Variants in PLA2G4B observed in about 807,000 individuals in gnomAD.
PLA2G4B encodes the protein phospholipase A2 group IVB.
A neutral mutation model predicts 95.8 loss-of-function variants in PLA2G4B; 122 were observed. The ratio of observed to expected loss-of-function variants is 1.27; its 90% CI spans 1.10 to 1.48. PLA2G4B has a LOEUF of 1.48. PLA2G4B is among the 40% of genes most tolerant of loss of function. The probability of loss-of-function intolerance (pLI) is 0.00; values close to 1 mark genes in which losing one functional copy is unlikely to be tolerated. For missense variants in PLA2G4B, 1,158 were observed against 996.2 expected (o/e 1.16, Z -2.19); for synonymous variants, 518 against 421.5 (o/e 1.23, Z -2.80).
Position 41,842,201 on chromosome 15 carries a change from C to G in PLA2G4B, c.630C>G (p.Pro210=), listed in dbSNP as rs35072927. The G allele has an allele frequency of 1.2e-6, 2 of 1,613,978 alleles. No homozygotes were observed. The highest frequency in any genetic ancestry group is 4.5e-5 in the East Asian group (2 of 44,884). ...TTCTTTGTCCCCTGCAGGATGCCCC[C>G]GAGGAGCAACTAAAGGCGCCACTGA... ...QELSIRLQDA[P]EEQLKAPLSA... is the part of the protein sequence containing the mutation. Residue 210 remains proline, a synonymous_variant, in exon 9 of 20, where the codon CCC becomes CCG. Coordinates refer to ENST00000458483, the MANE Select transcript of PLA2G4B (RefSeq NM_001114633.2).
At position 41,843,740 on chromosome 15, in the gene PLA2G4B, A is replaced by C; in HGVS notation, c.808A>C (p.Arg270=). 1 of 1,614,090 alleles carries C rather than the reference A, an allele frequency of 6.2e-7. No homozygotes were observed. Among genetic ancestry groups the C allele is most frequent in the Non-Finnish European group, 8.5e-7 (1 of 1,180,016 alleles). Reference sequence around the variant, plus strand: ...TGCAGAGGAGCAGGCCTTCCTGAGCAGGAGGAAGCAGGTGGTGGCCGCGGC... The same window carrying C: ...TGCAGAGGAGCAGGCCTTCCTGAGCCGGAGGAAGCAGGTGGTGGCCGCGGC... ...PCAEEQAFLS[R]RKQVVAAALR... The change falls in exon 11 of 20, where the codon AGG becomes CGG. Residue 270 remains arginine (R), a synonymous_variant. Coordinates refer to ENST00000458483, the MANE Select transcript of PLA2G4B (RefSeq NM_001114633.2).
chr15:41,847,886 C>CTCTCA lies in PLA2G4B; in HGVS notation c.*28_*32dup. ...TGGCCGGGGCCCCTGCCACCCCTAA[C>CTCTCA]TCTCATTCATTCCCTGGCTGCTGAG... On this transcript the variant is annotated 3_prime_UTR_variant, in exon 20 of 20. Coordinates refer to ENST00000458483, the MANE Select transcript of PLA2G4B (RefSeq NM_001114633.2). 6.3e-7 allele frequency: 1 copy of CTCTCA among 1,598,128 alleles called. No individual in the cohort carries two copies. The highest frequency in any genetic ancestry group is 8.5e-7 in the Non-Finnish European group (1 of 1,176,014).
intron 13 of PLA2G4B, 32 bp downstream of exon 13, chr15:41,845,102 G>A (rs944599505): frequency 1.4e-5 from 22 of 1,598,666 alleles, no homozygotes; most frequent in African/African-American, 6.7e-5. Flanking sequence ...GGCAGAGCCA[G>A]GGCAAGGGCT....
At position 41,848,132 on chromosome 15, in the gene PLA2G4B, G is replaced by GACTC. The variant is rs1392403375; in HGVS notation, c.*274_*277dup. Reference sequence around the variant, plus strand: ...TAGTTGGAGCACTTGATACATCACAGACTCATACAAATGTGAGGCGCTGAG... The same window carrying GACTC: ...TAGTTGGAGCACTTGATACATCACAGACTCACTCATACAAATGTGAGGCGCTGAG... On this transcript the variant is annotated 3_prime_UTR_variant, in exon 20 of 20. Transcript: ENST00000458483. 2.3e-5 allele frequency: 13 copies of GACTC among 571,402 alleles called. No individual in the cohort carries two copies. The East Asian group carries it at 2.7e-4, about 12-fold the overall frequency. The allele number at this position is 571,402 out of a possible 1,614,324, so 35.4% of individuals were successfully genotyped here. A position where few individuals can be genotyped will look rare whatever the true frequency, so the allele number is the denominator to read the frequency against.
chr15:41,843,449 C>G (rs375777534), intron 10 of PLA2G4B, among the ~76,000 whole-genome samples: 1 of 152,218 alleles, frequency 6.6e-6, no homozygotes, highest in Non-Finnish European at 1.5e-5. Flanking sequence ...CAGCCTCTTT[C>G]GGCCACGGCA....
At position 41,845,287 on chromosome 15, in the gene PLA2G4B, A is replaced by G. The variant is rs1225609165; in HGVS notation, c.1324A>G (p.Lys442Glu). 2 of 1,614,152 alleles carry G rather than the reference A, an allele frequency of 1.2e-6. No individual in the cohort carries two copies. The highest frequency in any genetic ancestry group is 1.7e-5 in the Admixed American group (1 of 60,032). Reference sequence around the variant, plus strand: ...GCCCATCTACTGTGCCCTCAACACCAAAGGGCAGAGCCTGACCACTTTTGA... The same window carrying G: ...GCCCATCTACTGTGCCCTCAACACCGAAGGGCAGAGCCTGACCACTTTTGA... ...PLPIYCALNT[K>E]GQSLTTFEFG... The change falls in exon 14 of 20, where the codon AAA (lysine) becomes GAA (glutamate). Residue 442 changes from lysine (K) to glutamate (E), a missense_variant. Lys to Glu is a moderately conservative substitution (Grantham distance 56, BLOSUM62 1). Coordinates refer to ENST00000458483, the MANE Select transcript of PLA2G4B (RefSeq NM_001114633.2).
chr15:41,844,737 G>T, intron 12 of PLA2G4B, 111 bp from the exon 13 acceptor site: 1 of 1,553,664 alleles, frequency 6.4e-7, no homozygotes, highest in East Asian at 2.3e-5. Flanking sequence ...TGCTCAAGGG[G>T]ACCCTGGGAA....
chr15:41,840,323 G>C (rs1201767071), intron 2 of PLA2G4B, 93 bp downstream of exon 2: 3 of 1,580,594 alleles, frequency 1.9e-6, no homozygotes, highest in African/African-American at 1.3e-5. Flanking sequence ...GTGGAGGCGG[G>C]TGGGCCGGTG....
chr15:41,842,377 T>C, intron 9 of PLA2G4B, 101 bp downstream of exon 9: 1 of 1,562,850 alleles, frequency 6.4e-7, no homozygotes, highest in Non-Finnish European at 8.7e-7. Context: ...GGTCACACCC[T>C]GAGCAGGTGC....
At chr15:41,844,802 G>A in intron 12 of PLA2G4B, 46 bp from the exon 13 acceptor site, 1 of 1,562,540 alleles carries the variant, frequency 6.4e-7, no homozygotes, top group South Asian at 1.2e-5. Flanking sequence ...GTCTAGACGG[G>A]GTCCTTCAGT....
rs1184841876 is a variant in PLA2G4B at position 41,847,370 on chromosome 15, C to T, written c.1981C>T (p.Gln661Ter). 6.2e-7 allele frequency: 1 copy of T among 1,609,816 alleles called. No individual in the cohort carries two copies. The highest frequency in any genetic ancestry group is 8.5e-7 in the Non-Finnish European group (1 of 1,178,312). The change falls in exon 19 of 20, where the codon CAG becomes TAG. Residue 661 changes from glutamine to a stop codon, truncating the protein, a stop_gained. Transcript: ENST00000458483. LOFTEE classifies it high-confidence loss of function. Reference protein sequence around the residue: ...LQLLGRFCQEQGIPFPPISPS... With the variant: ...LQLLGRFCQE ...GCTCCTGGGCCGGTTCTGCCAGGAG[C>T]AGGGGATCCCGTTCCCACCCATCTC...
intron 8 of PLA2G4B, 66 bp downstream of exon 8, chr15:41,842,015 C>T (rs2065440797): frequency 1.3e-6 from 2 of 1,573,850 alleles, no homozygotes; most frequent in East Asian, 2.3e-5. Flanking sequence ...CACCTCCTCC[C>T]AGTCTGACCT....
intron 1 of PLA2G4B, 68 bp downstream of exon 1, chr15:41,838,990 G>A: frequency 7.7e-7 from 1 of 1,303,250 alleles, no homozygotes. Flanking sequence ...TAGTTAATAT[G>A]TTTCTTATGG....
intron 18 of PLA2G4B, 107 bp from the exon 19 acceptor site, chr15:41,847,230 G>C (rs1230192921): frequency 1.4e-6 from 2 of 1,476,484 alleles, no homozygotes; most frequent in African/African-American, 2.8e-5. Context: ...CCCCACTGGA[G>C]ACCGTTTTGG....
At chr15:41,847,565 CCACACCTCCTCCGTCCCCTGTGCCT>C (rs1291541237) in intron 19 of PLA2G4B, 42 bp downstream of exon 19, 3 of 1,605,664 alleles carry the variant, frequency 1.9e-6, no homozygotes, top group Non-Finnish European at 2.6e-6. Flanking sequence ...CCCCAGTCCC[CCACACCTCCTCCGTCCCCTGTGCCT>C]CTCCAAACCT....
chr15:41,847,154 CCA>C (rs964852916), intron 18 of PLA2G4B, among the ~76,000 whole-genome samples, 181 bp from the exon 19 acceptor site: 1 of 151,836 alleles, frequency 6.6e-6, no homozygotes, highest in African/African-American at 2.4e-5. Context: ...CCGTCTAGCC[CCA>C]GAGGAGCTGC....
Position 41,847,442 on chromosome 15 carries a change from TCC to T in PLA2G4B, c.2054_2055del (p.Ser685Ter), listed in dbSNP as rs765913743. 1.9e-6 allele frequency: 3 copies of T among 1,613,418 alleles called. No homozygotes were observed. Among genetic ancestry groups the T allele is most frequent in the African/African-American group, 2.7e-5 (2 of 74,996 alleles). On this transcript the variant is annotated frameshift_variant, in exon 19 of 20. Coordinates refer to ENST00000458483, the MANE Select transcript of PLA2G4B (RefSeq NM_001114633.2). LOFTEE classifies it high-confidence loss of function. ...CCAGCCTCGGGAGTGCCACACCTTC[TCC>T]GACCCCACCTGCCCCGGAGCCCCTG... ...QLQPRECHTFSDPTCPGAPAV... is the reference protein window; with the variant it reads ...QLQPRECHTFXDPTCPGAPAV...
intron 19 of PLA2G4B, 35 bp downstream of exon 19, chr15:41,847,558 C>A (rs1395654213): frequency 6.2e-7 from 1 of 1,604,282 alleles, no homozygotes; most frequent in South Asian, 1.1e-5. Flanking sequence ...CCTGCTGCCC[C>A]AGTCCCCCAC....
Position 41,841,909 on chromosome 15 carries a change from G to GC in PLA2G4B, c.584dup (p.Ala196SerfsTer98), listed in dbSNP as rs2065438476. The GC allele has an allele frequency of 2.5e-6, 4 of 1,613,200 alleles. No homozygotes were observed. Among genetic ancestry groups the GC allele is most frequent in the Non-Finnish European group, 3.4e-6 (4 of 1,179,890 alleles). On this transcript the variant is annotated frameshift_variant, in exon 8 of 20. Coordinates refer to ENST00000458483, the MANE Select transcript of PLA2G4B (RefSeq NM_001114633.2). LOFTEE classifies it high-confidence loss of function. ...GGCACTGGCACCTTCCGCTTCCACTGCCCAGCCTGCTGGGAGCAGGAGCTG... is the reference window on the plus strand; with the variant it reads ...GGCACTGGCACCTTCCGCTTCCACTGCCCCAGCCTGCTGGGAGCAGGAGCTG...
Sources: allele counts gnomAD v4.1 joint callset (sites outside exome capture counted in the v4.1 genomes callset), GRCh38; gene constraint gnomAD v4.1.1; transcripts MANE v1.5; gene names NCBI Gene and HGNC (gene_info 2026-07-23, HGNC 2026-07-21).